KLRG1: variants seen among roughly 807,000 people sequenced by gnomAD.
The protein encoded by KLRG1 is killer cell lectin like receptor G1.
A neutral mutation model predicts 21.8 loss-of-function variants in KLRG1; 16 were observed. The observed-to-expected ratio is 0.73, with a 90% confidence interval of 0.50 to 1.11. The LOEUF is 1.11. Ranked by LOEUF, KLRG1 falls within the 50% of genes most tolerant of loss-of-function variation. KLRG1 has a pLI of 0.00. For missense variants in KLRG1, 173 were observed against 218.3 expected (o/e 0.79, Z 1.31); for synonymous variants, 69 against 75.9 (o/e 0.91, Z 0.47).
At chr12:9,032,594 T>C in the KLRG1 span, among the ~76,000 whole-genome samples, 1 of 152,180 alleles carries the variant, frequency 6.6e-6, no homozygotes, top group East Asian at 1.9e-4. Context: ...TTAGGAATTA[T>C]GAGAGGGGCC....
chr12:8,971,728 T>G (rs1592245855), intron 1 of KLRG1, among the ~76,000 whole-genome samples: 1 of 152,112 alleles, frequency 6.6e-6, no homozygotes, highest in East Asian at 1.9e-4. Context: ...TGACCTCAAG[T>G]GATCCGCCTG....
the KLRG1 span, among the ~76,000 whole-genome samples, chr12:9,018,567 T>C: frequency 1.3e-5 from 2 of 151,914 alleles, no homozygotes; most frequent in Non-Finnish European, 2.9e-5. Context: ...GAAAACTGGA[T>C]ATTCATATGC....
the KLRG1 span, chr12:9,201,176 GA>G: frequency 7.1e-7 from 1 of 1,417,770 alleles, no homozygotes; most frequent in Non-Finnish European, 9.7e-7. Flanking sequence ...AATACAGAAG[GA>G]AGAGAAAATA....
At chr12:9,034,183 C>T in the KLRG1 span, among the ~76,000 whole-genome samples, 3 of 152,202 alleles carry the variant, frequency 2.0e-5, no homozygotes, top group African/African-American at 7.2e-5. Context: ...ATAGATCACA[C>T]ATATGCCGTA....
chr12:9,104,156 A>G, the KLRG1 span: 2 of 1,390,214 alleles, frequency 1.4e-6, no homozygotes, highest in Non-Finnish European at 2.0e-6. Flanking sequence ...AACTAGACAC[A>G]GTTTGGAAAT....
the KLRG1 span, chr12:9,095,714 A>G: frequency 6.5e-7 from 1 of 1,533,834 alleles, no homozygotes; most frequent in South Asian, 1.2e-5. Flanking sequence ...TACAAATACG[A>G]AAGACAAAAA....
chr12:9,093,470 C>T, the KLRG1 span: 1 of 1,612,696 alleles, frequency 6.2e-7, no homozygotes, highest in East Asian at 2.2e-5. Flanking sequence ...CTTACTTTAC[C>T]ACCACCAAAT....
At chr12:9,133,404 G>A in the KLRG1 span, among the ~76,000 whole-genome samples, 47 of 152,106 alleles carry the variant, frequency 3.1e-4, no homozygotes, top group Non-Finnish European at 5.3e-4. Context: ...ACTGTTCTGT[G>A]GTTAACAAAA....
At chr12:9,098,129 G>A in the KLRG1 span, among the ~76,000 whole-genome samples, 7 of 152,040 alleles carry the variant, frequency 4.6e-5, no homozygotes, top group Non-Finnish European at 2.9e-5. Flanking sequence ...TATAATTTTC[G>A]AACGGCTTCC....
At chr12:8,979,018 C>CTT (rs751926947) in intron 1 of KLRG1, among the ~76,000 whole-genome samples, 14 of 128,000 alleles carry the variant, frequency 1.1e-4, no homozygotes, top group African/African-American at 1.2e-4. Flanking sequence ...CCTGGCCTGT[C>CTT]TTTTTTTTTT....
chr12:9,095,829 G>A, the KLRG1 span: 2 of 694,946 alleles, frequency 2.9e-6, no homozygotes, highest in Non-Finnish European at 4.3e-6. Context: ...GCGCAATCTC[G>A]GCTCACTGCA....
the KLRG1 span, chr12:9,115,501 A>G: frequency 2.8e-6 from 1 of 356,662 alleles, no homozygotes; most frequent in African/African-American, 2.1e-5. Flanking sequence ...ATGAATGTGA[A>G]TATCTAAAAT....
chr12:9,093,827 G>A, the KLRG1 span, among the ~76,000 whole-genome samples: 3 of 146,974 alleles, frequency 2.0e-5, no homozygotes, highest in African/African-American at 2.7e-5. Flanking sequence ...TTGAGAGGCC[G>A]AGGCCGAGAC....
At chr12:8,980,944 C>G (rs1946745378) in intron 1 of KLRG1, among the ~76,000 whole-genome samples, 1 of 152,292 alleles carries the variant, frequency 6.6e-6, no homozygotes, top group South Asian at 2.1e-4. Context: ...TGTCTTTGAG[C>G]TTTGCCAGCC....
the KLRG1 span, among the ~76,000 whole-genome samples, chr12:9,199,330 C>T: frequency 2.6e-5 from 4 of 152,126 alleles, no homozygotes; most frequent in Non-Finnish European, 4.4e-5. Context: ...ATCGTATCAG[C>T]GCATCCTCCT....
chr12:9,070,409 T>C, the KLRG1 span: 1 of 924,092 alleles, frequency 1.1e-6, no homozygotes, highest in South Asian at 1.5e-5. Context: ...AATAGTATTT[T>C]GATATTAGTA....
At chr12:9,030,500 G>C in the KLRG1 span, among the ~76,000 whole-genome samples, 2 of 151,804 alleles carry the variant, frequency 1.3e-5, no homozygotes, top group Non-Finnish European at 2.9e-5. Context: ...TCTACCTCCC[G>C]GATTCACATG....
At chr12:9,115,952 G>C in the KLRG1 span, 1 of 907,960 alleles carries the variant, frequency 1.1e-6, no homozygotes, top group Non-Finnish European at 1.8e-6. Context: ...GCTTTATGCT[G>C]CTCTGTGTGC....
chr12:9,031,538 G>A, the KLRG1 span, among the ~76,000 whole-genome samples: 1 of 152,152 alleles, frequency 6.6e-6, no homozygotes, highest in South Asian at 2.1e-4. Flanking sequence ...GAGGCCTCAT[G>A]TATTTGGGCA....
Sources: gnomAD v4.1 joint callset for allele counts (sites outside exome capture counted in the v4.1 genomes callset) on GRCh38, gnomAD v4.1.1 for gene constraint, MANE v1.5 for transcripts, NCBI Gene and HGNC (gene_info 2026-07-23, HGNC 2026-07-21) for gene names.